SPO11: variants seen among roughly 807,000 people sequenced by gnomAD.
SPO11 encodes the protein SPO11 initiator of meiotic double strand breaks, also known as meiotic recombination protein SPO11.
Under a neutral mutation model 51.6 loss-of-function variants are expected in SPO11, and 49 were observed. The ratio of observed to expected loss-of-function variants is 0.95; its 90% CI spans 0.75 to 1.20. SPO11 has a LOEUF of 1.20. Among genes scored for constraint, SPO11 ranks in the 50% most tolerant of loss-of-function variants. The pLI is 0.00. For missense variants in SPO11, 431 were observed against 473.4 expected, an observed-to-expected ratio of 0.91 and a Z score of 0.83; for synonymous variants, 176 against 158.2, an observed-to-expected ratio of 1.11 and a Z score of -0.84.
chr20:57,334,905 T>C, intron 6 of SPO11, 69 bp downstream of exon 6: 2 of 1,333,874 alleles, frequency 1.5e-6, no homozygotes, highest in Non-Finnish European at 2.1e-6. Context: ...AGCATAATTT[T>C]ATTTCTTGCT....
chr20:57,331,984 C>A, intron 2 of SPO11, 38 bp downstream of exon 2: 1 of 1,164,800 alleles, frequency 8.6e-7, no homozygotes, highest in East Asian at 2.5e-5. Flanking sequence ...AATGCAATAT[C>A]TATGTCATTA....
chr20:57,342,194 T>TGA (rs1046875541), intron 11 of SPO11, among the ~76,000 whole-genome samples: 5 of 151,010 alleles, frequency 3.3e-5, no homozygotes, highest in African/African-American at 1.2e-4. Flanking sequence ...GTGATAAAAG[T>TGA]GTGTGTGTGT....
intron 11 of SPO11, among the ~76,000 whole-genome samples, chr20:57,342,194 T>A (rs1432804776): frequency 2.0e-5 from 3 of 151,010 alleles, no homozygotes. Context: ...GTGATAAAAG[T>A]GTGTGTGTGT....
intron 1 of SPO11, 43 bp downstream of exon 1, chr20:57,330,041 A>AC (rs1568755361): frequency 6.6e-7 from 1 of 1,525,666 alleles, no homozygotes; most frequent in Non-Finnish European, 8.8e-7. Context: ...CACTCTGTAG[A>AC]AAAGTCGGGC....
At chr20:57,330,445 G>A (rs2066435042) in intron 1 of SPO11, among the ~76,000 whole-genome samples, 3 of 151,894 alleles carry the variant, frequency 2.0e-5, no homozygotes, top group Admixed American at 6.6e-5. Context: ...CTCTCAGTAA[G>A]CGAATGGTTT....
intron 8 of SPO11, 31 bp from the exon 9 acceptor site, chr20:57,338,245 T>G: frequency 2.1e-6 from 3 of 1,459,900 alleles, no homozygotes; most frequent in South Asian, 2.3e-5. Flanking sequence ...TCTACTGAAG[T>G]TAAAATTCTT....
Position 57,334,747 on chromosome 20 carries a change from C to T in SPO11, c.511-3C>T, listed in dbSNP as rs2066491285. 1.9e-6 allele frequency: 3 copies of T among 1,610,598 alleles called. No individual in the cohort carries two copies. Among genetic ancestry groups the T allele is most frequent in the Non-Finnish European group, 8.5e-7 (1 of 1,177,908 alleles). ...TTTCAAATATGTCTATTATTTTTTG[C>T]AGTTATCTACATCAAAAGGTTTAAT... On this transcript the variant is annotated splice_polypyrimidine_tract_variant and splice_region_variant and intron_variant, in intron 5 of 12. Transcript: ENST00000371263.
chr20:57,339,837 C>A (rs966045431), intron 10 of SPO11, among the ~76,000 whole-genome samples: 1 of 152,142 alleles, frequency 6.6e-6, no homozygotes, highest in African/African-American at 2.4e-5. Flanking sequence ...CTTTTGAGCT[C>A]AAGCCATCCT....
chr20:57,329,829 G>T lies in SPO11; in HGVS notation c.-39G>T. 2 of 1,597,146 alleles carry T rather than the reference G, an allele frequency of 1.3e-6. No homozygotes were observed. Among genetic ancestry groups the T allele is most frequent in the South Asian group, 1.1e-5 (1 of 89,894 alleles). On this transcript the variant is annotated 5_prime_UTR_variant, in exon 1 of 13. Coordinates refer to ENST00000371263, the MANE Select transcript of SPO11 (RefSeq NM_012444.3). ...GCCACGCCCCAAGGGCGCAGCCTAG[G>T]ACAGGGGCTTCTGGAGCTTCTGGCA...
chr20:57,336,046 C>T (rs1433843248), intron 8 of SPO11, 139 bp downstream of exon 8: 4 of 582,700 alleles, frequency 6.9e-6, no homozygotes, highest in East Asian at 3.0e-5. Flanking sequence ...CGGGAATTTC[C>T]AATGTGTTTA....
rs2066563681 is a variant in SPO11 at position 57,340,163 on chromosome 20, C to T, written c.944C>T (p.Pro315Leu). 1 of 1,606,786 alleles carries T rather than the reference C, an allele frequency of 6.2e-7. No homozygotes were observed. Among genetic ancestry groups the T allele is most frequent in the Non-Finnish European group, 8.5e-7 (1 of 1,173,402 alleles). The change falls in exon 11 of 13, where the codon CCT (proline) becomes CTT (leucine). Residue 315 changes from proline to leucine, a missense_variant. By Grantham distance (98) the Pro-to-Leu change is moderately conservative (BLOSUM62 -3). This residue lies in a region of SPO11 where 405 missense variants were observed against 425.9 expected (regional missense o/e 0.95). Coordinates refer to ENST00000371263, the MANE Select transcript of SPO11 (RefSeq NM_012444.3). ...VPAIRWLGLL[P>L]SDLKRLNVPK... is the part of the protein sequence containing the mutation. Reference sequence around the variant, plus strand: ...GCTATTAGATGGCTTGGTCTTCTCCCTTCTGATCTTAAAAGGTTAGATAGT... The same window carrying T: ...GCTATTAGATGGCTTGGTCTTCTCCTTTCTGATCTTAAAAGGTTAGATAGT...
intron 12 of SPO11, 108 bp from the exon 13 acceptor site, chr20:57,343,233 A>G (rs898182486): frequency 3.8e-6 from 5 of 1,332,480 alleles, no homozygotes; most frequent in African/African-American, 1.5e-5. Flanking sequence ...CCTTAAGACT[A>G]TTGTCCCTGG....
intron 2 of SPO11, among the ~76,000 whole-genome samples, chr20:57,332,365 T>C (rs2066460434): frequency 6.6e-6 from 1 of 152,152 alleles, no homozygotes; most frequent in Admixed American, 6.5e-5. Flanking sequence ...CAGACCAAAA[T>C]AAAAGTATCC....
intron 6 of SPO11, 134 bp from the exon 7 acceptor site, chr20:57,335,285 A>T: frequency 1.4e-6 from 1 of 709,610 alleles, no homozygotes; most frequent in Non-Finnish European, 2.3e-6. Context: ...GCTGTTTTCT[A>T]CTATTTTTTA....
Position 57,329,997 on chromosome 20 carries a change from A to C in SPO11, c.130A>C (p.Ser44Arg). Residue 44 changes from serine to arginine, a missense_variant and splice_region_variant, in exon 1 of 13, where the codon AGT (serine) becomes CGT (arginine). This residue lies in a region of SPO11 where 405 missense variants were observed against 425.9 expected (regional missense o/e 0.95). Transcript: ENST00000371263. ...AACTGGGGGAAGCCGCCTGGCCTCC[A>C]GGTACAGGAGCTGGTGCCGAGGCGC... is the stretch of plus-strand genomic sequence containing the variant. ...PPTGGSRLASSSEVLASIENI... is the reference protein window; with the variant it reads ...PPTGGSRLASRSEVLASIENI... 3 of 1,594,356 alleles carry C rather than the reference A, an allele frequency of 1.9e-6. No homozygotes were observed. The highest frequency in any genetic ancestry group is 2.6e-6 in the Non-Finnish European group (3 of 1,172,464).
chr20:57,334,248 G>A (rs1043757870), intron 5 of SPO11, among the ~76,000 whole-genome samples, 153 bp downstream of exon 5: 2 of 150,548 alleles, frequency 1.3e-5, no homozygotes, highest in Non-Finnish European at 2.9e-5. Context: ...TCTGCCTCCT[G>A]GGTTCATGCC....
chr20:57,342,739 C>T lies in SPO11; in HGVS notation c.970C>T (p.Pro324Ser). 6.2e-7 allele frequency: 1 copy of T among 1,609,746 alleles called. No individual in the cohort carries two copies. The highest frequency in any genetic ancestry group is 8.5e-7 in the Non-Finnish European group (1 of 1,176,940). ...CCTACTTTTTTCCAGATTAAATGTA[C>T]CTAAAGATAGTTTGATTCCACTGAC... ...LPSDLKRLNVPKDSLIPLTKR... is the reference protein window; with the variant it reads ...LPSDLKRLNVSKDSLIPLTKR... Residue 324 changes from proline (P) to serine (S), a missense_variant, in exon 12 of 13, where the codon CCT (proline) becomes TCT (serine). Physicochemically the swap from Pro to Ser is moderately conservative, Grantham distance 74 (BLOSUM62 -1). This residue lies in a region of SPO11 where 405 missense variants were observed against 425.9 expected (regional missense o/e 0.95). Transcript: ENST00000371263.
chr20:57,339,345 G>A (rs573046025), intron 10 of SPO11, among the ~76,000 whole-genome samples: 5 of 152,186 alleles, frequency 3.3e-5, no homozygotes, highest in Non-Finnish European at 5.9e-5. Flanking sequence ...AAATATACTC[G>A]AAATATTATA....
At chr20:57,334,509 A>C (rs2066488110) in intron 5 of SPO11, among the ~76,000 whole-genome samples, 1 of 152,140 alleles carries the variant, frequency 6.6e-6, no homozygotes, top group Admixed American at 6.5e-5. Flanking sequence ...TGATGCTTGC[A>C]TTTTTCTCAC....
Sources: gnomAD v4.1 joint callset for allele counts (sites outside exome capture counted in the v4.1 genomes callset) on GRCh38, gnomAD v4.1.1 for gene constraint, gnomAD v4.1.1 regional missense constraint, MANE v1.5 for transcripts, NCBI Gene and HGNC (gene_info 2026-07-23, HGNC 2026-07-21) for gene names.